SGCZ: variants seen among roughly 807,000 people sequenced by gnomAD.
SGCZ encodes the protein sarcoglycan zeta.
A neutral mutation model predicts 41.3 loss-of-function variants in SGCZ; 40 were observed. That is an observed-to-expected ratio of 0.97 (90% CI 0.75 to 1.26). SGCZ has a LOEUF of 1.26. SGCZ is among the 50% of genes most tolerant of loss of function. SGCZ has a pLI of 0.00. For missense variants in SGCZ, 552 were observed against 369.8 expected (o/e 1.49, Z -4.04); for synonymous variants, 206 against 137.5 (o/e 1.50, Z -3.49).
At chr8:14,307,562 A>G (rs1801388383) in intron 3 of SGCZ, among the ~76,000 whole-genome samples, 1 of 152,110 alleles carries the variant, frequency 6.6e-6, no homozygotes, top group Admixed American at 6.6e-5. Context: ...TAACTGAGGG[A>G]CAGGGCACTA....
At chr8:14,866,733 C>A (rs1563325298) in intron 1 of SGCZ, among the ~76,000 whole-genome samples, 1 of 152,114 alleles carries the variant, frequency 6.6e-6, no homozygotes, top group East Asian at 1.9e-4. Flanking sequence ...TAGCCTGAGA[C>A]CCAGAAGACT....
chr8:14,797,996 A>C (rs1174858654), intron 1 of SGCZ, among the ~76,000 whole-genome samples: 1 of 152,222 alleles, frequency 6.6e-6, no homozygotes, highest in Admixed American at 6.5e-5. Flanking sequence ...CTGCATGTCT[A>C]AGCAGAAGTT....
chr8:14,411,970 C>T (rs1799372238), intron 2 of SGCZ, among the ~76,000 whole-genome samples: 1 of 152,046 alleles, frequency 6.6e-6, no homozygotes. Context: ...GAAGAGTATA[C>T]TGAGTAAAAA....
intron 2 of SGCZ, among the ~76,000 whole-genome samples, chr8:14,434,869 C>T (rs1218913076): frequency 6.6e-6 from 1 of 152,024 alleles, no homozygotes; most frequent in Non-Finnish European, 1.5e-5. Flanking sequence ...GTCAAGGCTA[C>T]ATGTAGTGAG....
At chr8:14,455,153 T>C (rs1350721655) in intron 2 of SGCZ, among the ~76,000 whole-genome samples, 1 of 152,004 alleles carries the variant, frequency 6.6e-6, no homozygotes, top group African/African-American at 2.4e-5. Flanking sequence ...TCCCACTATA[T>C]AGGGAATTCA....
chr8:14,414,024 AC>A (rs1261497800), intron 2 of SGCZ, among the ~76,000 whole-genome samples: 1 of 151,986 alleles, frequency 6.6e-6, no homozygotes, highest in African/African-American at 2.4e-5. Flanking sequence ...AAAATAAATA[AC>A]ATTATTTGAA....
chr8:14,761,058 T>C (rs1799855771), intron 1 of SGCZ, among the ~76,000 whole-genome samples: 1 of 152,186 alleles, frequency 6.6e-6, no homozygotes, highest in Non-Finnish European at 1.5e-5. Context: ...ATAAAGCTAT[T>C]ATTTTCACAG....
chr8:14,891,444 G>A (rs941187253), intron 1 of SGCZ, among the ~76,000 whole-genome samples: 7 of 152,206 alleles, frequency 4.6e-5, no homozygotes, highest in African/African-American at 1.7e-4. Flanking sequence ...AGAATTAGAA[G>A]TAGAGCCTGA....
At chr8:14,895,295 T>G (rs1373039056) in intron 1 of SGCZ, among the ~76,000 whole-genome samples, 1 of 152,176 alleles carries the variant, frequency 6.6e-6, no homozygotes, top group African/African-American at 2.4e-5. Context: ...ATTGTTAGTG[T>G]ACTCATCTCT....
At chr8:14,796,143 A>G (rs1177128037) in intron 1 of SGCZ, among the ~76,000 whole-genome samples, 1 of 152,198 alleles carries the variant, frequency 6.6e-6, no homozygotes, top group Non-Finnish European at 1.5e-5. Flanking sequence ...ATATCTGTGC[A>G]TGGGTCTTTA....
intron 1 of SGCZ, among the ~76,000 whole-genome samples, chr8:15,173,109 T>C (rs1420450995): frequency 1.3e-5 from 2 of 152,224 alleles, no homozygotes; most frequent in African/African-American, 2.4e-5. Context: ...AAAAAGGCAG[T>C]AAATCCAGTA....
At chr8:15,097,757 T>G (rs1806404131) in intron 1 of SGCZ, among the ~76,000 whole-genome samples, 2 of 10,524 alleles carry the variant, frequency 1.9e-4, no homozygotes. Context: ...TATACACGTA[T>G]ATATGTGTTT....
At chr8:14,112,924 G>GAA (rs146950563) in intron 5 of SGCZ, among the ~76,000 whole-genome samples, 1 of 151,778 alleles carries the variant, frequency 6.6e-6, no homozygotes, top group Non-Finnish European at 1.5e-5. Flanking sequence ...AACAATACTG[G>GAA]AAAAAAATAT....
intron 2 of SGCZ, among the ~76,000 whole-genome samples, chr8:14,485,942 C>T (rs948989058): frequency 6.8e-6 from 1 of 147,994 alleles, no homozygotes; most frequent in Admixed American, 6.9e-5. Context: ...CCCGGGTTCG[C>T]GCCATTCTCC....
intron 5 of SGCZ, among the ~76,000 whole-genome samples, chr8:14,153,717 T>C (rs551637408): frequency 2.8e-4 from 42 of 152,160 alleles, no homozygotes; most frequent in African/African-American, 8.9e-4. Context: ...TAGCCATTGA[T>C]GTGTCTAGAA....
At chr8:14,118,410 G>C (rs920700199) in intron 5 of SGCZ, among the ~76,000 whole-genome samples, 1 of 151,610 alleles carries the variant, frequency 6.6e-6, no homozygotes, top group Non-Finnish European at 1.5e-5. Context: ...ACTTTTTGAT[G>C]GGGTTGTTTT....
intron 7 of SGCZ, among the ~76,000 whole-genome samples, chr8:14,095,356 C>T (rs1585128480): frequency 6.6e-6 from 1 of 152,130 alleles, no homozygotes; most frequent in Non-Finnish European, 1.5e-5. Context: ...AGCCAGTTTT[C>T]CCAACACCAT....
chr8:14,670,380 A>G lies in SGCZ; in HGVS notation c.40-115454T>C, dbSNP rs551105136. Reference sequence around the variant, plus strand: ...TTATATCTAATACTGTCTCTTCTGAATTGCATATTATTGCTATCAGTTTAT... The same window carrying G: ...TTATATCTAATACTGTCTCTTCTGAGTTGCATATTATTGCTATCAGTTTAT... On this transcript the variant is annotated intron_variant, in intron 1 of 7. Transcript: ENST00000382080. Among the ~76,000 whole-genome samples the G allele has an allele frequency of 2.6e-5, 4 of 152,276 alleles. No individual in the cohort carries two copies. The East Asian group carries it at 7.7e-4, about 29-fold the overall frequency.
At chr8:14,825,540 G>C (rs747591228) in intron 1 of SGCZ, among the ~76,000 whole-genome samples, 1 of 151,980 alleles carries the variant, frequency 6.6e-6, no homozygotes, top group Non-Finnish European at 1.5e-5. Flanking sequence ...AATAAATATT[G>C]TATGTACTTG....
Sources: gnomAD v4.1 joint callset for allele counts (sites outside exome capture counted in the v4.1 genomes callset) on GRCh38, gnomAD v4.1.1 for gene constraint, MANE v1.5 for transcripts, NCBI Gene and HGNC (gene_info 2026-07-23, HGNC 2026-07-21) for gene names.